USP2: variants seen among roughly 807,000 people sequenced by gnomAD.
USP2 encodes the protein ubiquitin specific peptidase 2, also known as ubiquitin carboxyl-terminal hydrolase 2.
USP2 carries 33 observed loss-of-function variants against 72.0 expected under a neutral mutation model. The observed-to-expected ratio is 0.46, with a 90% confidence interval of 0.35 to 0.61. The LOEUF (loss-of-function observed/expected upper bound fraction) is 0.61. USP2 is among the 20% of genes least tolerant of loss of function. USP2 has a pLI of 0.01. For missense variants in USP2, 691 were observed against 797.8 expected (o/e 0.87, Z 1.61); for synonymous variants, 296 against 312.5 (o/e 0.95, Z 0.56).
At chr11:119,364,123 GC>G in intron 2 of USP2, 1 of 1,221,850 alleles carries the variant, frequency 8.2e-7, no homozygotes, top group South Asian at 4.2e-5. Context: ...AGCGTCCGCG[GC>G]GCCCGAACGC....
chr11:119,363,562 G>C (rs1325971401), intron 2 of USP2, among the ~76,000 whole-genome samples: 1 of 152,080 alleles, frequency 6.6e-6, no homozygotes, highest in Non-Finnish European at 1.5e-5. Context: ...CACCTGTCCT[G>C]ATAGGTGCCA....
At position 119,358,272 on chromosome 11, in the gene USP2, G is replaced by A. The variant is rs1950705517; in HGVS notation, c.1238-20C>T. 6.2e-7 allele frequency: 1 copy of A among 1,607,524 alleles called. No individual in the cohort carries two copies. Among genetic ancestry groups the A allele is most frequent in the African/African-American group, 1.3e-5 (1 of 74,768 alleles). The stretch of plus-strand genomic sequence containing the variant: ...AGAGATCTGGGGAAGAGAAGGCCAT[G>A]AGATGCTGAAATACAGGAAGTAGAG... On this transcript the variant is annotated intron_variant, in intron 7 of 12. Transcript: ENST00000260187.
At chr11:119,363,245 C>T (rs549064024) in intron 2 of USP2, among the ~76,000 whole-genome samples, 90 of 152,324 alleles carry the variant, frequency 5.9e-4, no homozygotes, top group Non-Finnish European at 1.1e-3. Flanking sequence ...CGCCCAGCCT[C>T]GGCCCCGGCA....
At chr11:119,363,806 C>T in intron 2 of USP2, 4 of 1,369,864 alleles carry the variant, frequency 2.9e-6, no homozygotes, top group Non-Finnish European at 3.8e-6. Flanking sequence ...AAGGCGGGAC[C>T]CCAGGCCCTC....
At chr11:119,358,329 T>G in intron 7 of USP2, 77 bp from the exon 8 acceptor site, 2 of 1,398,846 alleles carry the variant, frequency 1.4e-6, no homozygotes, top group Non-Finnish European at 2.0e-6. Flanking sequence ...TTTTATTTTT[T>G]TTTTTGAGAT....
In USP2 at chr11:119,357,978, T is replaced by C; in HGVS notation, c.1422+3A>G. On this transcript the variant is annotated splice_donor_region_variant and intron_variant, in intron 9 of 12. Coordinates refer to ENST00000260187, the MANE Select transcript of USP2 (RefSeq NM_004205.5). ...TTCTTGCTATTACCGAAGGGTGACT[T>C]ACTGGCTTTTCATCTCCATCAAGCA... 1 of 1,614,192 alleles carries C rather than the reference T, an allele frequency of 6.2e-7. No homozygotes were observed. Among genetic ancestry groups the C allele is most frequent in the Non-Finnish European group, 8.5e-7 (1 of 1,180,034 alleles).
chr11:119,369,820 C>T (rs1359754702), intron 2 of USP2, among the ~76,000 whole-genome samples: 6 of 152,150 alleles, frequency 3.9e-5, no homozygotes, highest in African/African-American at 1.4e-4. Context: ...CAGATGACCT[C>T]TCCCTTTCCG....
rs1205107293 is a variant in USP2 at position 119,381,479 on chromosome 11, C to G, written c.-48G>C. ...CCCGACAGGTGGCACGTACCTGCCTCTTCTTGGAGTATGGACGAGTCGAAC... is the reference window on the plus strand; with the variant it reads ...CCCGACAGGTGGCACGTACCTGCCTGTTCTTGGAGTATGGACGAGTCGAAC... On this transcript the variant is annotated 5_prime_UTR_variant, in exon 1 of 13. Transcript: ENST00000260187. 14 of 1,536,190 alleles carry G rather than the reference C, an allele frequency of 9.1e-6. No homozygotes were observed. The East Asian group carries it at 3.2e-4, about 35-fold the overall frequency.
chr11:119,360,794 G>A (rs1950751357), intron 2 of USP2, among the ~76,000 whole-genome samples: 1 of 152,130 alleles, frequency 6.6e-6, no homozygotes, highest in Non-Finnish European at 1.5e-5. Flanking sequence ...TATTGACTAT[G>A]TATCTCCCTG....
chr11:119,361,278 G>T (rs1950761179), intron 2 of USP2, among the ~76,000 whole-genome samples: 1 of 152,236 alleles, frequency 6.6e-6, no homozygotes, highest in South Asian at 2.1e-4. Flanking sequence ...TAGCGGAGGC[G>T]GGTGAGGGGG....
At chr11:119,376,991 A>G (rs1951010358) in intron 1 of USP2, among the ~76,000 whole-genome samples, 1 of 152,270 alleles carries the variant, frequency 6.6e-6, no homozygotes, top group South Asian at 2.1e-4. Context: ...TATTTAAATT[A>G]AAATTTAAAA....
At chr11:119,361,002 A>G (rs1950754937) in intron 2 of USP2, among the ~76,000 whole-genome samples, 1 of 152,220 alleles carries the variant, frequency 6.6e-6, no homozygotes, top group African/African-American at 2.4e-5. Context: ...GAGGTTTTGA[A>G]AAGTTAAACA....
Position 119,372,737 on chromosome 11 carries a change from G to T in USP2, c.744C>A (p.Ser248Arg). The change falls in exon 2 of 13, where the codon AGC becomes AGA. Residue 248 changes from serine (S) to arginine (R), a missense_variant. Ser to Arg is a moderately radical substitution (Grantham distance 110). Transcript: ENST00000260187. Reference sequence around the variant, plus strand: ...CGTCTCTTCCCGGGGAGCTGGAGCGGCTGGGCCCAGGGGCCTGACCCTTTC... The same window carrying T: ...CGTCTCTTCCCGGGGAGCTGGAGCGTCTGGGCCCAGGGGCCTGACCCTTTC... ...ETGKGQAPGP[S>R]RSSSPGRDGM... The T allele has an allele frequency of 6.5e-7, 1 of 1,527,756 alleles. No homozygotes were observed. The allele number at this position is 1,527,756 out of a possible 1,614,324, so 94.6% of individuals were successfully genotyped here.
chr11:119,368,495 C>T (rs1199638909), intron 2 of USP2, among the ~76,000 whole-genome samples: 3 of 152,206 alleles, frequency 2.0e-5, no homozygotes, highest in Non-Finnish European at 4.4e-5. Flanking sequence ...GCATTCAAGT[C>T]CAAAGTCCCA....
In USP2 at chr11:119,379,917, CTTTTTTTTTTT is replaced by C. The variant is rs397816714; in HGVS notation, c.-42+1545_-42+1555del. 9.6e-3 allele frequency among the ~76,000 whole-genome samples: 1,123 copies of C among 116,552 alleles called. 16 individuals are homozygous for C. Among genetic ancestry groups the C allele is most frequent in the African/African-American group, 0.035 (1,070 of 30,572 alleles). 76.5% of individuals were successfully genotyped at this position (116,552 alleles called of 152,430 possible). A position where few individuals can be genotyped will look rare whatever the true frequency, so the allele number is the denominator to read the frequency against. On this transcript the variant is annotated intron_variant, in intron 1 of 12. Coordinates refer to ENST00000260187, the MANE Select transcript of USP2 (RefSeq NM_004205.5). ...TACTCCTGGGGAAGTGTTCCTTTCT[CTTTTTTTTTTT>C]TTTTTTTTGAGACGGAGTCTCCGTC...
chr11:119,365,903 T>G (rs964331698), intron 2 of USP2, among the ~76,000 whole-genome samples: 2 of 151,906 alleles, frequency 1.3e-5, no homozygotes, highest in Non-Finnish European at 2.9e-5. Context: ...GTTTTGTTTT[T>G]TTTTTTTTTG....
chr11:119,375,105 G>T (rs1042816346), intron 1 of USP2, among the ~76,000 whole-genome samples: 1 of 152,198 alleles, frequency 6.6e-6, no homozygotes. Context: ...GGGATGCCAG[G>T]CCTCCCCCTG....
intron 1 of USP2, among the ~76,000 whole-genome samples, chr11:119,378,006 C>A (rs1474315214): frequency 6.6e-6 from 1 of 152,094 alleles, no homozygotes; most frequent in Non-Finnish European, 1.5e-5. Context: ...CACGCCTAAA[C>A]AGGGTTAAGT....
chr11:119,381,587 C>G lies in USP2; in HGVS notation c.-156G>C. ...GCACCAGCTGACGAAGAGGGCTCCC[C>G]GGCCTCGGCTCCTGCCTGACTCTCT... is the stretch of plus-strand genomic sequence containing the variant. On this transcript the variant is annotated 5_prime_UTR_variant, in exon 1 of 13. Coordinates refer to ENST00000260187, the MANE Select transcript of USP2 (RefSeq NM_004205.5). The G allele has an allele frequency of 6.6e-7, 1 of 1,525,290 alleles. No individual in the cohort carries two copies. Among genetic ancestry groups the G allele is most frequent in the Non-Finnish European group, 8.8e-7 (1 of 1,137,416 alleles). The allele number at this position is 1,525,290 out of a possible 1,614,324, so 94.5% of individuals were successfully genotyped here. A position where few individuals can be genotyped will look rare whatever the true frequency, so the allele number is the denominator to read the frequency against.
Sources: allele counts gnomAD v4.1 joint callset (sites outside exome capture counted in the v4.1 genomes callset), GRCh38; gene constraint gnomAD v4.1.1; transcripts MANE v1.5; gene names NCBI Gene and HGNC (gene_info 2026-07-23, HGNC 2026-07-21).